Variants in XYLT1 observed in about 807,000 individuals in gnomAD.
XYLT1 encodes beta-D-xylosyltransferase 1.
XYLT1 carries 36 observed loss-of-function variants against 91.3 expected under a neutral mutation model. The observed-to-expected ratio is 0.39, with a 90% CI of 0.30 to 0.52. XYLT1 has a LOEUF of 0.52. Ranked by LOEUF, XYLT1 falls within the 20% of genes least tolerant of loss-of-function variation. The pLI is 0.68. For synonymous variants in XYLT1, 588 were observed against 532.0 expected, an observed-to-expected ratio of 1.11 and a Z score of -1.45; for missense variants, 1,242 against 1,284.5, an observed-to-expected ratio of 0.97 and a Z score of 0.51.
chr16:17,428,639 C>A (rs1231188433), intron 1 of XYLT1, among the ~76,000 whole-genome samples: 1 of 152,200 alleles, frequency 6.6e-6, no homozygotes, highest in Admixed American at 6.5e-5. Flanking sequence ...TGTGTCTGAG[C>A]TTTTGAGACA....
intron 2 of XYLT1, among the ~76,000 whole-genome samples, chr16:17,268,286 C>A (rs370073564): frequency 6.6e-6 from 1 of 152,172 alleles, no homozygotes; most frequent in South Asian, 2.1e-4. Flanking sequence ...GAAAAATATG[C>A]ATACTTTTCA....
At chr16:17,116,532 T>C (rs1023700944) in intron 11 of XYLT1, among the ~76,000 whole-genome samples, 1 of 152,218 alleles carries the variant, frequency 6.6e-6, no homozygotes, top group Non-Finnish European at 1.5e-5. Flanking sequence ...GGCTGCATAG[T>C]ACTCCATTGT....
Position 17,470,526 on chromosome 16 carries a change from GTCCTCCTCCTCCTCCGCCGCCGCCTCC to G in XYLT1, c.244_270del (p.Gly82_Gly90del). Reference sequence around the variant, plus strand: ...CCCCGCGCCCGCGCCTGGGGCCCCCGTCCTCCTCCTCCTCCGCCGCCGCCTCCTCCTCCTCCTCGGGCTGCAGCCGGC... The same window carrying G: ...CCCCGCGCCCGCGCCTGGGGCCCCCGTCCTCCTCCTCGGGCTGCAGCCGGC... On this transcript the variant is annotated inframe_deletion, in exon 1 of 12. Coordinates refer to ENST00000261381, the MANE Select transcript of XYLT1 (RefSeq NM_022166.4). 8.2e-7 allele frequency: 1 copy of G among 1,225,864 alleles called. No individual in the cohort carries two copies. The highest frequency in any genetic ancestry group is 1.0e-6 in the Non-Finnish European group (1 of 984,958). 75.9% of individuals were successfully genotyped at this position (1,225,864 alleles called of 1,614,324 possible). A position where few individuals can be genotyped will look rare whatever the true frequency, so the allele number is the denominator to read the frequency against.
At chr16:17,422,914 A>C (rs993730807) in intron 1 of XYLT1, among the ~76,000 whole-genome samples, 2 of 152,196 alleles carry the variant, frequency 1.3e-5, no homozygotes, top group East Asian at 3.9e-4. Context: ...ATAGGGGCTG[A>C]AATCCAACCA....
intron 1 of XYLT1, among the ~76,000 whole-genome samples, chr16:17,377,762 C>G (rs941927859): frequency 5.3e-5 from 8 of 152,164 alleles, no homozygotes; most frequent in Non-Finnish European, 1.0e-4. Flanking sequence ...GTTTCAAGCA[C>G]TGGAGCATCC....
intron 2 of XYLT1, among the ~76,000 whole-genome samples, chr16:17,344,296 C>G (rs556893445): frequency 6.8e-6 from 1 of 147,362 alleles, no homozygotes; most frequent in Admixed American, 6.8e-5. Context: ...TCCTGGCTAA[C>G]ACGGTGAAAC....
chr16:17,302,590 T>C (rs1426100067), intron 2 of XYLT1, among the ~76,000 whole-genome samples: 2 of 152,214 alleles, frequency 1.3e-5, no homozygotes, highest in Admixed American at 6.5e-5. Context: ...AAATCTCCAG[T>C]TCCCCACCAT....
chr16:17,122,574 C>T (rs2030106220), intron 10 of XYLT1, among the ~76,000 whole-genome samples: 3 of 152,202 alleles, frequency 2.0e-5, no homozygotes, highest in Admixed American at 2.0e-4. Context: ...TTTTGCCTTG[C>T]AGAAACTTTT....
intron 1 of XYLT1, among the ~76,000 whole-genome samples, chr16:17,426,625 C>G (rs531023146): frequency 6.6e-6 from 1 of 152,190 alleles, no homozygotes; most frequent in Non-Finnish European, 1.5e-5. Flanking sequence ...TGAGTCAGAT[C>G]CAGTCTACCA....
chr16:17,180,810 G>T (rs2032051174), intron 5 of XYLT1, among the ~76,000 whole-genome samples: 1 of 152,200 alleles, frequency 6.6e-6, no homozygotes, highest in African/African-American at 2.4e-5. Context: ...AGCTGAGTGG[G>T]AGTGGGAGGA....
intron 2 of XYLT1, among the ~76,000 whole-genome samples, chr16:17,286,970 G>A (rs148540808): frequency 2.0e-5 from 3 of 152,184 alleles, no homozygotes; most frequent in South Asian, 2.1e-4. Context: ...CCAAGGCCAC[G>A]ATCATTCACT....
chr16:17,312,404 G>A lies in XYLT1; in HGVS notation c.402+45608C>T, dbSNP rs974603359. On this transcript the variant is annotated intron_variant, in intron 2 of 11. Coordinates refer to ENST00000261381, the MANE Select transcript of XYLT1 (RefSeq NM_022166.4). This position sits in a 1 kb window ranked among gnomAD's most constrained non-coding sequence, Gnocchi z 4.4. ...TCATCAGGGCTGGCATTCCTGTAGC[G>A]CTTACCATGTATGGGGTCTTGTCTC... Among the ~76,000 whole-genome samples, 11 of 152,104 alleles carry A rather than the reference G, an allele frequency of 7.2e-5. No individual in the cohort carries two copies. The highest frequency in any genetic ancestry group is 2.1e-4 in the South Asian group (1 of 4,828).
At chr16:17,126,609 C>A (rs772590813) in intron 10 of XYLT1, among the ~76,000 whole-genome samples, 4 of 152,196 alleles carry the variant, frequency 2.6e-5, no homozygotes, top group Admixed American at 1.3e-4. Context: ...CCCCCTCTCC[C>A]CAACATACTC....
intron 2 of XYLT1, among the ~76,000 whole-genome samples, chr16:17,330,912 G>A (rs2034887760): frequency 6.6e-6 from 1 of 152,202 alleles, no homozygotes; most frequent in Non-Finnish European, 1.5e-5. Context: ...GAGTTTCAGG[G>A]ACTGCTGCCC....
intron 3 of XYLT1, among the ~76,000 whole-genome samples, chr16:17,241,878 C>A (rs375622411): frequency 6.6e-6 from 1 of 152,060 alleles, no homozygotes; most frequent in Non-Finnish European, 1.5e-5. Flanking sequence ...GAGTCATACC[C>A]GAGACTGGGT....
chr16:17,231,971 T>C (rs1320222774), intron 3 of XYLT1, among the ~76,000 whole-genome samples: 2 of 151,288 alleles, frequency 1.3e-5, no homozygotes. Context: ...TATGATGTTA[T>C]GACTACAATG....
intron 2 of XYLT1, among the ~76,000 whole-genome samples, chr16:17,282,012 C>T (rs1025248575): frequency 6.6e-6 from 1 of 152,200 alleles, no homozygotes; most frequent in East Asian, 1.9e-4. Context: ...ATTCCCCTCA[C>T]CCAGCCTTAA....
intron 2 of XYLT1, among the ~76,000 whole-genome samples, chr16:17,274,296 G>T (rs181828348): frequency 8.3e-4 from 127 of 152,246 alleles, no homozygotes; most frequent in African/African-American, 2.4e-3. Context: ...AGAGTTGTGG[G>T]TGTTTAAGTA....
At chr16:17,389,480 G>C (rs970145636) in intron 1 of XYLT1, among the ~76,000 whole-genome samples, 1 of 152,232 alleles carries the variant, frequency 6.6e-6, no homozygotes, top group African/African-American at 2.4e-5. Flanking sequence ...GCAGAAGGTT[G>C]AGAAAGGAGT....
Sources: allele counts gnomAD v4.1 joint callset (sites outside exome capture counted in the v4.1 genomes callset), GRCh38; gene constraint gnomAD v4.1.1; non-coding constraint Gnocchi (gnomAD v3.1); transcripts MANE v1.5; gene names NCBI Gene and HGNC (gene_info 2026-07-23, HGNC 2026-07-21).